The following SOX6 variants were observed in gnomAD, a reference collection of about 807,000 sequenced individuals.
SOX6 encodes the protein SRY-box transcription factor 6.
A neutral mutation model predicts 97.8 loss-of-function variants in SOX6; 11 were observed. The observed-to-expected ratio is 0.11, with a 90% CI of 0.07 to 0.19. SOX6 has a LOEUF of 0.19. Ranked by LOEUF, SOX6 falls within the 10% of genes least tolerant of loss-of-function variation. The pLI, the probability that SOX6 is intolerant of heterozygous loss-of-function variation, is 1.00. For synonymous variants in SOX6, 360 were observed against 371.4 expected, an observed-to-expected ratio of 0.97 and a Z score of 0.35; for missense variants, 810 against 1,039.5, an observed-to-expected ratio of 0.78 and a Z score of 3.04.
At chr11:16,292,869 C>T (rs1206679102) in intron 3 of SOX6, among the ~76,000 whole-genome samples, 2 of 152,134 alleles carry the variant, frequency 1.3e-5, no homozygotes, top group Admixed American at 6.6e-5. Flanking sequence ...TAGTTTAACG[C>T]TCGGTGCTTA....
At chr11:16,543,542 C>A (rs924854337) in intron 4 of SOX6, among the ~76,000 whole-genome samples, 2 of 152,002 alleles carry the variant, frequency 1.3e-5, no homozygotes, top group Non-Finnish European at 2.9e-5. Flanking sequence ...ATTTGCAAAT[C>A]ATATCTAAGT....
intron 13 of SOX6, among the ~76,000 whole-genome samples, chr11:15,991,311 C>T (rs1590113603): frequency 6.6e-6 from 1 of 152,276 alleles, no homozygotes; most frequent in East Asian, 1.9e-4. Flanking sequence ...GTTTATTGCG[C>T]AGTGAAATGT....
chr11:16,134,735 C>T (rs61347512), intron 6 of SOX6, among the ~76,000 whole-genome samples: 16,081 of 152,142 alleles, frequency 0.11, 1,748 homozygotes, highest in East Asian at 0.37. Context: ...ATATTGCATG[C>T]GTTCAGGCTG....
chr11:16,565,044 T>C (rs1847854297), intron 4 of SOX6, among the ~76,000 whole-genome samples: 1 of 152,008 alleles, frequency 6.6e-6, no homozygotes. Flanking sequence ...TGATCAATAA[T>C]ATTGGCAAGC....
chr11:16,284,005 A>C, intron 3 of SOX6: 3 of 302,942 alleles, frequency 9.9e-6, no homozygotes, highest in Middle Eastern at 1.1e-3. Flanking sequence ...TTACACTATT[A>C]ATAATGAGAT....
At chr11:16,384,593 T>TA (rs888175308) in intron 1 of SOX6, among the ~76,000 whole-genome samples, 131 of 150,004 alleles carry the variant, frequency 8.7e-4, no homozygotes, top group African/African-American at 2.6e-3. Flanking sequence ...AATTTTAGAG[T>TA]AAAAAAAAAT....
rs148462365 is a variant in SOX6, at chr11:16,059,152, C to A, written c.1102-3251G>T. On this transcript the variant is annotated intron_variant, in intron 9 of 15. Coordinates refer to ENST00000683767, the MANE Select transcript of SOX6 (RefSeq NM_001367873.1). ...TCATATTCCAAATTTTTTGTCTTCTCTTTCCATTTCTACTTGAAGGTTTAC... is the reference window on the plus strand; with the variant it reads ...TCATATTCCAAATTTTTTGTCTTCTATTTCCATTTCTACTTGAAGGTTTAC... 1.4e-3 allele frequency among the ~76,000 whole-genome samples: 211 copies of A among 152,144 alleles called. 1 individual carries two copies. Among genetic ancestry groups the A allele is most frequent in the African/African-American group, 4.7e-3 (197 of 41,536 alleles).
intron 4 of SOX6, among the ~76,000 whole-genome samples, chr11:16,537,446 A>C (rs1251418521): frequency 6.6e-6 from 1 of 152,216 alleles, no homozygotes; most frequent in Non-Finnish European, 1.5e-5. Flanking sequence ...TCTTGTCAGC[A>C]CTGGAACAAA....
intron 6 of SOX6, among the ~76,000 whole-genome samples, chr11:16,131,498 T>C (rs1849738177): frequency 2.0e-5 from 3 of 152,024 alleles, no homozygotes; most frequent in Admixed American, 2.0e-4. Flanking sequence ...CATACATTGC[T>C]GGTTGGAATT....
chr11:16,145,968 C>A (rs189954893), intron 6 of SOX6, among the ~76,000 whole-genome samples: 1 of 152,272 alleles, frequency 6.6e-6, no homozygotes, highest in Non-Finnish European at 1.5e-5. Context: ...ATCAAGCTAC[C>A]AATGCCTTTC....
intron 2 of SOX6, among the ~76,000 whole-genome samples, chr11:16,728,271 G>A (rs1308276579): frequency 6.6e-6 from 1 of 152,206 alleles, no homozygotes; most frequent in East Asian, 1.9e-4. Flanking sequence ...TGACCCCAGT[G>A]CCTCTTGACT....
chr11:16,379,156 A>G (rs1257682162), intron 1 of SOX6, among the ~76,000 whole-genome samples: 1 of 152,140 alleles, frequency 6.6e-6, no homozygotes, highest in Non-Finnish European at 1.5e-5. Flanking sequence ...GTTATGAGTA[A>G]GAAATTTATT....
chr11:16,366,257 A>G (rs1317653080), intron 1 of SOX6, among the ~76,000 whole-genome samples: 1 of 152,080 alleles, frequency 6.6e-6, no homozygotes. Context: ...CAGTTCTCCC[A>G]TACAGTGTTT....
chr11:16,651,442 G>C (rs1358527878), intron 3 of SOX6, among the ~76,000 whole-genome samples: 2 of 151,998 alleles, frequency 1.3e-5, no homozygotes, highest in Non-Finnish European at 2.9e-5. Flanking sequence ...AACTGGGTTT[G>C]ATAACAGGAA....
intron 3 of SOX6, among the ~76,000 whole-genome samples, chr11:16,691,659 C>T (rs1007648374): frequency 2.0e-5 from 3 of 152,018 alleles, no homozygotes; most frequent in Non-Finnish European, 2.9e-5. Flanking sequence ...TAGCCAGATG[C>T]AGTGGCATGT....
At chr11:16,208,193 AAG>A (rs1350345389) in intron 4 of SOX6, among the ~76,000 whole-genome samples, 11 of 152,302 alleles carry the variant, frequency 7.2e-5, no homozygotes, top group African/African-American at 2.6e-4. Context: ...ATTCTATGGG[AAG>A]AGAGTGCCTA....
intron 4 of SOX6, among the ~76,000 whole-genome samples, chr11:16,537,255 C>G (rs1017326867): frequency 6.6e-6 from 1 of 152,166 alleles, no homozygotes; most frequent in Non-Finnish European, 1.5e-5. Flanking sequence ...GGAAAAGTAA[C>G]AAACAGAAAG....
At chr11:16,502,855 T>A (rs2133144760) in intron 4 of SOX6, among the ~76,000 whole-genome samples, 1 of 152,260 alleles carries the variant, frequency 6.6e-6, no homozygotes, top group Middle Eastern at 3.4e-3. Context: ...GACATCCAGA[T>A]ATGAGAAGCT....
At chr11:16,477,686 A>G (rs1171466113), upstream of SOX6, among the ~76,000 whole-genome samples, 1 of 152,210 alleles carries the variant, frequency 6.6e-6, no homozygotes. Context: ...AAATCTCTAA[A>G]AAAAGTTTTT....
Sources: gnomAD v4.1 joint callset for allele counts (sites outside exome capture counted in the v4.1 genomes callset) on GRCh38, gnomAD v4.1.1 for gene constraint, MANE v1.5 for transcripts, NCBI Gene and HGNC (gene_info 2026-07-23, HGNC 2026-07-21) for gene names.